Variants in SAMD9L observed in about 807,000 individuals in gnomAD.
SAMD9L encodes sterile alpha motif domain-containing protein 9-like.
SAMD9L carries 68 observed loss-of-function variants against 90.7 expected under a neutral mutation model. The ratio of observed to expected loss-of-function variants is 0.75; its 90% CI spans 0.62 to 0.92. The LOEUF is 0.92. SAMD9L is among the 40% of genes least tolerant of loss of function. The pLI is 0.00. For missense variants in SAMD9L, 1,604 were observed against 1,824.3 expected (o/e 0.88, Z 2.20); for synonymous variants, 640 against 630.1 (o/e 1.02, Z -0.23).
chr7:93,132,531 A>T lies in SAMD9L; in HGVS notation c.3441T>A (p.Asn1147Lys). ...CAGCTTCTAGGAGATGTGTTAGGTC[A>T]TTAACAGTAATGCTCCTACAGTTTT... ...GNKNCRSITV[N>K]DLTHLLEAAE... Residue 1147 changes from asparagine to lysine, a missense_variant, in exon 5 of 5, where the codon AAT (asparagine) becomes AAA (lysine). Asn to Lys is a moderately conservative substitution (Grantham distance 94). Around this residue, in one of 7 missense-constraint regions of SAMD9L, gnomAD observed 302 missense variants for 314.7 expected, o/e 0.96. Transcript: ENST00000318238. The T allele has an allele frequency of 6.2e-7, 1 of 1,613,882 alleles. No individual in the cohort carries two copies.
At position 93,132,001 on chromosome 7, in the gene SAMD9L, T is replaced by G. The variant is rs1316784236; in HGVS notation, c.3971A>C (p.Gln1324Pro). Residue 1324 changes from glutamine to proline, a missense_variant, in exon 5 of 5, where the codon CAG becomes CCG. Gln to Pro is a moderately conservative substitution (Grantham distance 76, BLOSUM62 -1). Coordinates refer to ENST00000318238, the MANE Select transcript of SAMD9L (RefSeq NM_152703.5). ...TAGCTTTTTCCTGCAATTCTCCTCCTGGAGTAATTGACTCTCTTTACTTTG... is the reference window on the plus strand; with the variant it reads ...TAGCTTTTTCCTGCAATTCTCCTCCGGGAGTAATTGACTCTCTTTACTTTG... ...LLQSKESQLL[Q>P]EENCRKKLEA... The G allele has an allele frequency of 6.2e-7, 1 of 1,612,800 alleles. No homozygotes were observed. Among genetic ancestry groups the G allele is most frequent in the African/African-American group, 1.3e-5 (1 of 74,864 alleles).
rs942042259 is a variant in SAMD9L at position 93,145,733 on chromosome 7, G to A, written c.-471C>T. 1 of 152,162 alleles carries A rather than the reference G, an allele frequency of 6.6e-6. No homozygotes were observed. The highest frequency in any genetic ancestry group is 2.4e-5 in the African/African-American group (1 of 41,428). The allele number at this position is 152,162 out of a possible 1,614,324, so 9.4% of individuals were successfully genotyped here. A position where few individuals can be genotyped will look rare whatever the true frequency, so the allele number is the denominator to read the frequency against. On this transcript the variant is annotated 5_prime_UTR_variant, in exon 3 of 5. Transcript: ENST00000318238. ...AACATACAGAAAATTTGAAAGAATA[G>A]TGAAAAGAATACCCTTCTCCTAGGT...
intron 1 of SAMD9L, among the ~76,000 whole-genome samples, chr7:93,147,545 G>C (rs557058440): frequency 2.0e-5 from 3 of 152,098 alleles, no homozygotes; most frequent in South Asian, 2.1e-4. Flanking sequence ...TGCTCTGCAG[G>C]ATTCTTAGAA....
Position 93,132,887 on chromosome 7 carries a change from C to G in SAMD9L, c.3085G>C (p.Asp1029His). 6.2e-7 allele frequency: 1 copy of G among 1,613,686 alleles called. No homozygotes were observed. Among genetic ancestry groups the G allele is most frequent in the Non-Finnish European group, 8.5e-7 (1 of 1,179,770 alleles). Residue 1029 changes from aspartate (D) to histidine (H), a missense_variant, in exon 5 of 5, where the codon GAC (aspartate) becomes CAC (histidine). By Grantham distance (81) the Asp-to-His change is moderately conservative. Coordinates refer to ENST00000318238, the MANE Select transcript of SAMD9L (RefSeq NM_152703.5). Reference sequence around the variant, plus strand: ...GTTTGAACATCATGTTGAAATTTGTCTCTTCCTATTCCAGAATCATAGAAT... The same window carrying G: ...GTTTGAACATCATGTTGAAATTTGTGTCTTCCTATTCCAGAATCATAGAAT... ...NLFYDSGIGRDKFQHDVQTLL... is the reference protein window; with the variant it reads ...NLFYDSGIGRHKFQHDVQTLL...
Position 93,132,974 on chromosome 7 carries a change from G to A in SAMD9L, c.2998C>T (p.Leu1000=), listed in dbSNP as rs765998314. 26 of 1,613,264 alleles carry A rather than the reference G, an allele frequency of 1.6e-5. No individual in the cohort carries two copies. The highest frequency in any genetic ancestry group is 3.3e-4 in the Middle Eastern group (2 of 6,082). ...PLIALYCLKE[L]ERSYHLDKCQ... is the part of the protein sequence containing the mutation. The stretch of plus-strand genomic sequence containing the variant: ...TTATCCAAGTGATAGCTTCTTTCCA[G>A]TTCTTTTAGACAGTACAGGGCAATC... The change falls in exon 5 of 5, where the codon CTG becomes TTG. Residue 1000 remains leucine (L), a synonymous_variant. Transcript: ENST00000318238.
At position 93,146,004 on chromosome 7, in the gene SAMD9L, T is replaced by C. The variant is rs1173627692; in HGVS notation, c.-742A>G. The C allele has an allele frequency of 6.6e-6, 1 of 152,186 alleles. No individual in the cohort carries two copies. Among genetic ancestry groups the C allele is most frequent in the African/African-American group, 2.4e-5 (1 of 41,448 alleles). 9.4% of individuals were successfully genotyped at this position (152,186 alleles called of 1,614,324 possible). On this transcript the variant is annotated 5_prime_UTR_variant, in exon 3 of 5. Coordinates refer to ENST00000318238, the MANE Select transcript of SAMD9L (RefSeq NM_152703.5). ...AGGTTCCCTCTTGCTGTTATTGATC[T>C]CTTCAGGGACTTCTCAAAAAAGCAG...
intron 1 of SAMD9L, among the ~76,000 whole-genome samples, chr7:93,147,789 A>G (rs1046293051): frequency 2.6e-5 from 4 of 152,224 alleles, no homozygotes; most frequent in Admixed American, 6.5e-5. Flanking sequence ...CTTTGATAAA[A>G]TGTAAAAGTT....
intron 4 of SAMD9L, among the ~76,000 whole-genome samples, chr7:93,141,333 T>C (rs773438364): frequency 3.3e-5 from 5 of 152,240 alleles, no homozygotes; most frequent in Non-Finnish European, 1.5e-5. Context: ...CTATCTTGCA[T>C]TTAAACGCAA....
At chr7:93,139,491 G>A (rs1035990655) in intron 4 of SAMD9L, among the ~76,000 whole-genome samples, 2 of 152,122 alleles carry the variant, frequency 1.3e-5, no homozygotes, top group African/African-American at 2.4e-5. Flanking sequence ...CTTACACACC[G>A]GGAGAACAGT....
chr7:93,131,774 T>A lies in SAMD9L; in HGVS notation c.4198A>T (p.Ile1400Phe). Residue 1400 changes from isoleucine to phenylalanine, a missense_variant, in exon 5 of 5, where the codon ATT becomes TTT. Around this residue, in one of 7 missense-constraint regions of SAMD9L, gnomAD observed 282 missense variants for 329.6 expected, o/e 0.86. Coordinates refer to ENST00000318238, the MANE Select transcript of SAMD9L (RefSeq NM_152703.5). ...LSCLKPNSKLIQPLTTLKKQL... is the reference protein window; with the variant it reads ...LSCLKPNSKLFQPLTTLKKQL... Reference sequence around the variant, plus strand: ...TTTTTTAGCGTGGTAAGTGGTTGAATTAACTTGGAGTTGGGCTTTAGACAA... The same window carrying A: ...TTTTTTAGCGTGGTAAGTGGTTGAAATAACTTGGAGTTGGGCTTTAGACAA... The A allele has an allele frequency of 6.2e-7, 1 of 1,613,698 alleles. No individual in the cohort carries two copies. Among genetic ancestry groups the A allele is most frequent in the Non-Finnish European group, 8.5e-7 (1 of 1,179,822 alleles).
chr7:93,133,322 C>T lies in SAMD9L; in HGVS notation c.2650G>A (p.Glu884Lys), dbSNP rs941311343. ...ATGATCATGAAGGAATAAAAGTTTT[C>T]ACAGTTCTTGTGCTGCTTTTCAATT... ...KEIEKQHKNC[E>K]NFYSFMIMKS... The change falls in exon 5 of 5, where the codon GAA becomes AAA. Residue 884 changes from glutamate to lysine, a missense_variant. This residue lies in a region of SAMD9L where 606 missense variants were observed against 717.6 expected (regional missense o/e 0.84). Transcript: ENST00000318238. 3 of 1,612,488 alleles carry T rather than the reference C, an allele frequency of 1.9e-6. No individual in the cohort carries two copies. The highest frequency in any genetic ancestry group is 3.3e-5 in the Admixed American group (2 of 59,756).
Position 93,135,650 on chromosome 7 carries a change from T to C in SAMD9L, c.322A>G (p.Lys108Glu), listed in dbSNP as rs1260873644. The C allele has an allele frequency of 6.2e-7, 1 of 1,613,982 alleles. No individual in the cohort carries two copies. The highest frequency in any genetic ancestry group is 1.3e-5 in the African/African-American group (1 of 74,948). The stretch of plus-strand genomic sequence containing the variant: ...GACATTGAATTTTCTTCTTCCTTTT[T>C]GGTGTGTTTTGGATTTTTCTGGTGT... ...TEHQKNPKHT[K>E]KEEENSMSSN... The change falls in exon 5 of 5, where the codon AAA (lysine) becomes GAA (glutamate). Residue 108 changes from lysine (K) to glutamate (E), a missense_variant. This residue lies in a region of SAMD9L where 374 missense variants were observed against 363.6 expected (regional missense o/e 1.03). Transcript: ENST00000318238.
chr7:93,138,857 C>T lies in SAMD9L; in HGVS notation c.-20-2866G>A, dbSNP rs547245287. Among the ~76,000 whole-genome samples, 4 of 152,214 alleles carry T rather than the reference C, an allele frequency of 2.6e-5. No individual in the cohort carries two copies. In the South Asian group the frequency reaches 6.2e-4, roughly 24 times the overall value. On this transcript the variant is annotated intron_variant, in intron 4 of 4. Transcript: ENST00000318238. ...GCCCTAAGTGTCATCTCAGGTAAGA[C>T]CGACAGAGGGGCCCTGCCTCACCTT...
chr7:93,132,060 T>G lies in SAMD9L; in HGVS notation c.3912A>C (p.Thr1304=). 1 of 1,613,746 alleles carries G rather than the reference T, an allele frequency of 6.2e-7. No homozygotes were observed. Among genetic ancestry groups the G allele is most frequent in the Non-Finnish European group, 8.5e-7 (1 of 1,179,818 alleles). The change falls in exon 5 of 5, where the codon ACA becomes ACC. Residue 1304 remains threonine (T), a synonymous_variant. Transcript: ENST00000318238. ...ATGGATCCAAATGACAGAAAAGTTC[T>G]GTGTATTTCCTGAAACAACGACTGA... The part of the protein sequence containing the change: ...KKVSRCFRKY[T]ELFCHLDPCL...
chr7:93,131,651 G>C lies in SAMD9L; in HGVS notation c.4321C>G (p.Leu1441Val). The C allele has an allele frequency of 1.2e-6, 2 of 1,613,844 alleles. No individual in the cohort carries two copies. The highest frequency in any genetic ancestry group is 1.7e-6 in the Non-Finnish European group (2 of 1,179,872). ...CLLFWPENQE[L>V]DQDSKLIEKY... ...TCTATTAGTTTGGAATCTTGATCTA[G>C]CTCTTGATTTTCTGGCCAGAACAGG... The change falls in exon 5 of 5, where the codon CTA becomes GTA. Residue 1441 changes from leucine to valine, a missense_variant. By Grantham distance (32) the Leu-to-Val change is conservative (BLOSUM62 1). Around this residue, in one of 7 missense-constraint regions of SAMD9L, gnomAD observed 282 missense variants for 329.6 expected, o/e 0.86. Transcript: ENST00000318238.
chr7:93,140,867 T>G (rs42497), intron 4 of SAMD9L, among the ~76,000 whole-genome samples: 74,012 of 152,108 alleles, frequency 0.49, 22,109 homozygotes, highest in Non-Finnish European at 0.65. Context: ...CCTCATCTAC[T>G]AGATCTCCTT....
chr7:93,132,642 T>C lies in SAMD9L; in HGVS notation c.3330A>G (p.Lys1110=), dbSNP rs763597405. 1 of 1,613,686 alleles carries C rather than the reference T, an allele frequency of 6.2e-7. No individual in the cohort carries two copies. Among genetic ancestry groups the C allele is most frequent in the Admixed American group, 1.7e-5 (1 of 59,944 alleles). ...NTALDWARQA[K]MKAPKNSYIS... is the part of the protein sequence containing the mutation. ...TATAGGAATTTTTAGGTGCTTTCAT[T>C]TTGGCCTGACGTGCCCAGTCCAGAG... Residue 1110 remains lysine, a synonymous_variant, in exon 5 of 5, where the codon AAA becomes AAG. Coordinates refer to ENST00000318238, the MANE Select transcript of SAMD9L (RefSeq NM_152703.5).
At position 93,132,172 on chromosome 7, in the gene SAMD9L, C is replaced by T. The variant is rs774588113; in HGVS notation, c.3800G>A (p.Cys1267Tyr). Residue 1267 changes from cysteine (C) to tyrosine (Y), a missense_variant, in exon 5 of 5, where the codon TGC becomes TAC. Cys to Tyr is a radical substitution (Grantham distance 194). Transcript: ENST00000318238. ...LKNLQSDLKR[C>Y]FDFFIDYMVL... ...CATATAATCAATAAAAAAGTCAAAG[C>T]ACCTTTTCAGATCTGATTGTAAATT... is the stretch of plus-strand genomic sequence containing the variant. 2.5e-6 allele frequency: 4 copies of T among 1,613,206 alleles called. No individual in the cohort carries two copies. Among genetic ancestry groups the T allele is most frequent in the Non-Finnish European group, 3.4e-6 (4 of 1,179,766 alleles).
chr7:93,138,599 AG>A (rs1189674091), intron 4 of SAMD9L, among the ~76,000 whole-genome samples: 9 of 152,294 alleles, frequency 5.9e-5, no homozygotes, highest in African/African-American at 2.2e-4. Context: ...GAGGCAATTG[AG>A]GGAGAAAGCC....
Sources: allele counts gnomAD v4.1 joint callset (sites outside exome capture counted in the v4.1 genomes callset), GRCh38; gene constraint gnomAD v4.1.1; regional missense constraint gnomAD v4.1.1; transcripts MANE v1.5; gene names NCBI Gene and HGNC (gene_info 2026-07-23, HGNC 2026-07-21).